PTP4A3: variants seen among roughly 807,000 people sequenced by gnomAD.
The protein encoded by PTP4A3 is protein tyrosine phosphatase 4A3.
In PTP4A3, 9 loss-of-function variants were observed where a neutral mutation model predicts 15.2. The observed-to-expected ratio is 0.59, with a 90% CI of 0.36 to 1.03. The LOEUF (loss-of-function observed/expected upper bound fraction) is 1.03. Ranked by LOEUF, PTP4A3 falls within the 50% of genes least tolerant of loss-of-function variation. PTP4A3 has a pLI of 0.02. For missense variants in PTP4A3, 234 were observed against 252.1 expected (o/e 0.93, Z 0.49); for synonymous variants, 95 against 102.0 (o/e 0.93, Z 0.41).
chr8:141,417,189 C>T (rs1833089108), intron 1 of PTP4A3, among the ~76,000 whole-genome samples: 2 of 152,158 alleles, frequency 1.3e-5, no homozygotes, highest in East Asian at 3.9e-4. Flanking sequence ...TGCCGAGCCT[C>T]AGAGTTTGTG....
intron 5 of PTP4A3, 103 bp from the exon 6 acceptor site, chr8:141,430,824 C>T (rs1458023707): frequency 1.1e-5 from 13 of 1,131,528 alleles, no homozygotes; most frequent in Non-Finnish European, 1.7e-5. Flanking sequence ...GCCTCAAGGC[C>T]TTACTCCAGC....
Position 141,425,196 on chromosome 8 carries a change from C to CCCCCCCGGGGGGGGGGGGGGGG in PTP4A3, c.198+56_198+57insCCCCCCGGGGGGGGGGGGGGGG. 2.8e-6 allele frequency: 1 copy of CCCCCCCGGGGGGGGGGGGGGGG among 361,484 alleles called. No homozygotes were observed. Among genetic ancestry groups the CCCCCCCGGGGGGGGGGGGGGGG allele is most frequent in the Non-Finnish European group, 5.4e-6 (1 of 185,988 alleles). 22.4% of individuals were successfully genotyped at this position (361,484 alleles called of 1,614,324 possible). A position where few individuals can be genotyped will look rare whatever the true frequency, so the allele number is the denominator to read the frequency against. On this transcript the variant is annotated intron_variant, in intron 3 of 5. Coordinates refer to ENST00000521578, the MANE Select transcript of PTP4A3 (RefSeq NM_032611.3). The surrounding 1 kb of genome is among the most constrained non-coding windows in gnomAD (Gnocchi z 4.2). Reference sequence around the variant, plus strand: ...CTGCTGCCACCGGGGGAGGGTGGGGCGGGGGGCTCCGGGCCTGCGCAGAGG... The same window carrying CCCCCCCGGGGGGGGGGGGGGGG: ...CTGCTGCCACCGGGGGAGGGTGGGGCCCCCCCGGGGGGGGGGGGGGGGGGGGGGCTCCGGGCCTGCGCAGAGG...
Position 141,431,248 on chromosome 8 carries a change from TTC to T in PTP4A3, c.*207_*208del. On this transcript the variant is annotated 3_prime_UTR_variant, in exon 6 of 6. Coordinates refer to ENST00000521578, the MANE Select transcript of PTP4A3 (RefSeq NM_032611.3). The stretch of plus-strand genomic sequence containing the variant: ...GGGCCCTGGGTGGCCTCTGGGCCCT[TTC>T]TCCTGTCTCCGCCACTCCCTCTGGC... 1.7e-6 allele frequency: 1 copy of T among 587,904 alleles called. No individual in the cohort carries two copies. Among genetic ancestry groups the T allele is most frequent in the East Asian group, 2.8e-5 (1 of 35,210 alleles). The allele number at this position is 587,904 out of a possible 1,614,324, so 36.4% of individuals were successfully genotyped here.
chr8:141,399,970 G>A (rs753892036), intron 1 of PTP4A3, among the ~76,000 whole-genome samples: 14 of 152,218 alleles, frequency 9.2e-5, no homozygotes, highest in Non-Finnish European at 1.5e-4. Flanking sequence ...ACAGTGGCAC[G>A]ATCTCAGCTC....
rs1403660788 is a variant in PTP4A3 at position 141,392,077 on chromosome 8, A to C, written c.-861A>C. The C allele has an allele frequency of 6.8e-6, 1 of 146,272 alleles. No individual in the cohort carries two copies. Among genetic ancestry groups the C allele is most frequent in the African/African-American group, 2.5e-5 (1 of 40,624 alleles). 9.1% of individuals were successfully genotyped at this position (146,272 alleles called of 1,614,324 possible). On this transcript the variant is annotated 5_prime_UTR_variant, in exon 1 of 6. Transcript: ENST00000521578. ...CACCCGTCGTGCCGGCGCCGCCCGG[A>C]CCGCCAGGTCAGTCTCCTCCGCGCC...
intron 1 of PTP4A3, among the ~76,000 whole-genome samples, chr8:141,398,551 G>A (rs1358665389): frequency 1.3e-5 from 2 of 152,122 alleles, no homozygotes; most frequent in African/African-American, 4.8e-5. Context: ...CTGGGGTGGG[G>A]TCCTGGAAAT....
At chr8:141,400,367 A>T (rs1361716860) in intron 1 of PTP4A3, among the ~76,000 whole-genome samples, 2 of 152,198 alleles carry the variant, frequency 1.3e-5, no homozygotes, top group East Asian at 3.8e-4. Context: ...TAAAAATTCA[A>T]ACAGCCTGGG....
chr8:141,394,814 G>A (rs572879790), intron 1 of PTP4A3, among the ~76,000 whole-genome samples: 5 of 152,406 alleles, frequency 3.3e-5, no homozygotes, highest in South Asian at 4.1e-4. Context: ...TCAGAGTTGG[G>A]TGGGAGTGGC....
chr8:141,430,835 C>A, intron 5 of PTP4A3, 92 bp from the exon 6 acceptor site: 1 of 1,248,718 alleles, frequency 8.0e-7, no homozygotes, highest in Non-Finnish European at 1.2e-6. Context: ...TTACTCCAGC[C>A]CACTGCACTC....
chr8:141,417,960 A>G (rs561439212), intron 1 of PTP4A3, among the ~76,000 whole-genome samples: 1 of 151,902 alleles, frequency 6.6e-6, no homozygotes, highest in Non-Finnish European at 1.5e-5. Context: ...ACCCAGGGCC[A>G]GCACCGTGGG....
At chr8:141,396,151 C>A (rs1832446326) in intron 1 of PTP4A3, among the ~76,000 whole-genome samples, 1 of 152,230 alleles carries the variant, frequency 6.6e-6, no homozygotes, top group Non-Finnish European at 1.5e-5. Context: ...CCAGAACCGG[C>A]CCCATTATCT....
At chr8:141,412,319 C>T (rs1004927674) in intron 1 of PTP4A3, among the ~76,000 whole-genome samples, 3 of 152,310 alleles carry the variant, frequency 2.0e-5, no homozygotes, top group South Asian at 2.1e-4. Context: ...AGGAACAGGC[C>T]GGCCCAGCTC....
intron 1 of PTP4A3, among the ~76,000 whole-genome samples, chr8:141,420,079 G>A (rs1200827082): frequency 2.0e-5 from 3 of 152,212 alleles, no homozygotes; most frequent in Admixed American, 2.0e-4. Flanking sequence ...AAGCTCCAAG[G>A]GCCCAGCCTG....
chr8:141,423,584 C>T (rs565486755), intron 2 of PTP4A3, among the ~76,000 whole-genome samples: 1 of 147,362 alleles, frequency 6.8e-6, no homozygotes, highest in South Asian at 2.2e-4. Flanking sequence ...GGTTGGGACT[C>T]AGTGTGTGTC....
intron 1 of PTP4A3, among the ~76,000 whole-genome samples, chr8:141,407,657 C>T (rs1188858342): frequency 6.6e-6 from 1 of 151,600 alleles, no homozygotes; most frequent in Non-Finnish European, 1.5e-5. Context: ...ACCTCCACCT[C>T]CTGGGTTTAA....
Position 141,417,785 on chromosome 8 carries a change from C to T in PTP4A3, c.-853-3603C>T, listed in dbSNP as rs544057673. On this transcript the variant is annotated intron_variant, in intron 1 of 5. Transcript: ENST00000521578. ...CCGCCCTGCGCGGCCCCTTTGTTTCCCGGGCAGGGCGCGGCTATATTTAGG... is the reference window on the plus strand; with the variant it reads ...CCGCCCTGCGCGGCCCCTTTGTTTCTCGGGCAGGGCGCGGCTATATTTAGG... 2.2e-3 allele frequency among the ~76,000 whole-genome samples: 333 copies of T among 152,154 alleles called. 1 individual carries two copies. Among genetic ancestry groups the T allele is most frequent in the African/African-American group, 7.7e-3 (320 of 41,558 alleles).
At chr8:141,395,609 T>C in intron 1 of PTP4A3, among the ~76,000 whole-genome samples, 1 of 145,976 alleles carries the variant, frequency 6.9e-6, no homozygotes. Context: ...CCCCCGTTCA[T>C]CTACCCAGGA....
At chr8:141,418,133 AG>A (rs1295690040) in intron 1 of PTP4A3, among the ~76,000 whole-genome samples, 1 of 151,676 alleles carries the variant, frequency 6.6e-6, no homozygotes, top group Non-Finnish European at 1.5e-5. Context: ...GCACCCAGGG[AG>A]GGGGCCGCGC....
At chr8:141,429,279 GCTGCTCCCACTTCCTT>G (rs1441353871) in intron 5 of PTP4A3, among the ~76,000 whole-genome samples, 25 of 152,386 alleles carry the variant, frequency 1.6e-4, no homozygotes, top group African/African-American at 5.8e-4. Flanking sequence ...TCGCGCTACT[GCTGCTCCCACTTCCTT>G]GGCCAGGGCC....
Sources: gnomAD v4.1 joint callset for allele counts (sites outside exome capture counted in the v4.1 genomes callset) on GRCh38, gnomAD v4.1.1 for gene constraint, Gnocchi (gnomAD v3.1) non-coding constraint, MANE v1.5 for transcripts, NCBI Gene and HGNC (gene_info 2026-07-23, HGNC 2026-07-21) for gene names.